CSMD1: variants seen among roughly 807,000 people sequenced by gnomAD.
CSMD1 encodes the protein CUB and Sushi multiple domains 1.
In CSMD1, 213 loss-of-function variants were observed where a neutral mutation model predicts 417.5. The ratio of observed to expected loss-of-function variants is 0.51; its 90% CI spans 0.46 to 0.57. The LOEUF (loss-of-function observed/expected upper bound fraction) is 0.57, where lower values mean the gene tolerates loss of function less well. Ranked by LOEUF, CSMD1 falls within the 20% of genes least tolerant of loss-of-function variation. The pLI is 0.00. For missense variants in CSMD1, 6,923 were observed against 4,529.7 expected, an observed-to-expected ratio of 1.53 and a Z score of -15.17; for synonymous variants, 2,862 against 1,736.8, an observed-to-expected ratio of 1.65 and a Z score of -16.11.
intron 1 of CSMD1, among the ~76,000 whole-genome samples, chr8:4,741,927 G>A (rs928440090): frequency 1.4e-5 from 2 of 148,050 alleles, no homozygotes; most frequent in Non-Finnish European, 3.0e-5. Context: ...TCGACTTCCT[G>A]GGCTCAAGGA....
chr8:4,030,431 G>C (rs1357970546), intron 4 of CSMD1, among the ~76,000 whole-genome samples: 2 of 152,198 alleles, frequency 1.3e-5, no homozygotes, highest in East Asian at 1.9e-4. Flanking sequence ...GCCAAGGCTT[G>C]AGGCTTACAT....
At chr8:3,583,355 T>C (rs930546682) in intron 9 of CSMD1, among the ~76,000 whole-genome samples, 3 of 151,920 alleles carry the variant, frequency 2.0e-5, no homozygotes, top group Admixed American at 6.6e-5. Context: ...GGGAGTGTCA[T>C]AGAGAAGGCC....
chr8:4,626,786 A>C (rs780164133), intron 2 of CSMD1, among the ~76,000 whole-genome samples: 1 of 152,178 alleles, frequency 6.6e-6, no homozygotes, highest in Non-Finnish European at 1.5e-5. Context: ...GAAAACCTGA[A>C]GCCCTGTGCA....
chr8:4,549,655 G>A (rs1797778402), intron 2 of CSMD1, among the ~76,000 whole-genome samples: 1 of 152,026 alleles, frequency 6.6e-6, no homozygotes, highest in Non-Finnish European at 1.5e-5. Context: ...TTGGGAGGCT[G>A]AGGCAGGAAG....
In CSMD1 at chr8:3,173,499, G is replaced by T. The variant is rs78048499; in HGVS notation, c.5725+7611C>A. Among the ~76,000 whole-genome samples, 22 of 152,216 alleles carry T rather than the reference G, an allele frequency of 1.4e-4. No individual in the cohort carries two copies. The South Asian group carries it at 2.1e-3, about 14-fold the overall frequency. On this transcript the variant is annotated intron_variant, in intron 37 of 69. Coordinates refer to ENST00000635120, the MANE Select transcript of CSMD1 (RefSeq NM_033225.6). Reference sequence around the variant, plus strand: ...TGGCCAAACTGTGAAGTTGAAGGTGGGTCTTAGGAAAATTTTTTGAAATGA... The same window carrying T: ...TGGCCAAACTGTGAAGTTGAAGGTGTGTCTTAGGAAAATTTTTTGAAATGA...
intron 1 of CSMD1, among the ~76,000 whole-genome samples, chr8:4,814,251 T>C (rs1799075319): frequency 6.6e-6 from 1 of 152,160 alleles, no homozygotes; most frequent in Non-Finnish European, 1.5e-5. Context: ...CGTGTGTGTA[T>C]GTGTGTGGTG....
At chr8:3,779,610 T>C (rs1248798655) in intron 5 of CSMD1, among the ~76,000 whole-genome samples, 1 of 152,206 alleles carries the variant, frequency 6.6e-6, no homozygotes, top group Non-Finnish European at 1.5e-5. Flanking sequence ...GGTATTTTAA[T>C]AAAATATGGA....
At chr8:4,428,912 A>G (rs1797713565) in intron 2 of CSMD1, among the ~76,000 whole-genome samples, 2 of 151,952 alleles carry the variant, frequency 1.3e-5, no homozygotes, top group African/African-American at 2.4e-5. Context: ...ACAGGGTTTC[A>G]CCATTTGGCC....
intron 5 of CSMD1, among the ~76,000 whole-genome samples, chr8:3,993,731 A>T (rs1290700920): frequency 1.3e-5 from 2 of 152,204 alleles, no homozygotes; most frequent in Non-Finnish European, 2.9e-5. Flanking sequence ...GCCCTAATCC[A>T]AAGCGGAAGA....
chr8:3,436,016 A>G (rs987696352), intron 12 of CSMD1, among the ~76,000 whole-genome samples: 7 of 152,114 alleles, frequency 4.6e-5, no homozygotes, highest in Non-Finnish European at 7.4e-5. Context: ...CATCCCAGCT[A>G]CCCAGGTGGG....
intron 1 of CSMD1, among the ~76,000 whole-genome samples, chr8:4,987,097 A>G (rs1421423301): frequency 1.3e-5 from 2 of 152,182 alleles, no homozygotes; most frequent in East Asian, 1.9e-4. Context: ...CTAGCACCCA[A>G]TGTGGCATTC....
At chr8:4,779,942 C>T (rs1797067789) in intron 1 of CSMD1, among the ~76,000 whole-genome samples, 1 of 151,748 alleles carries the variant, frequency 6.6e-6, no homozygotes, top group South Asian at 2.1e-4. Context: ...ATAAATACAC[C>T]TTACTTTGGC....
intron 4 of CSMD1, among the ~76,000 whole-genome samples, chr8:4,023,146 G>T (rs868786340): frequency 6.0e-4 from 91 of 152,266 alleles, no homozygotes; most frequent in African/African-American, 2.1e-3. Flanking sequence ...TGGAGGAACT[G>T]CCCATCACAA....
chr8:4,728,204 T>C (rs1180561733), intron 1 of CSMD1, among the ~76,000 whole-genome samples: 1 of 148,408 alleles, frequency 6.7e-6, no homozygotes, highest in African/African-American at 2.5e-5. Context: ...TATATTTATA[T>C]ATATATTTGG....
In CSMD1 at chr8:3,821,375, G is replaced by C. The variant is rs374424756; in HGVS notation, c.819-67333C>G. ...GACCCGTCTAAGACTGGCAGCGCAG[G>C]TTTGCATATGGCACCATCACCACAC... On this transcript the variant is annotated intron_variant, in intron 5 of 69. Coordinates refer to ENST00000635120, the MANE Select transcript of CSMD1 (RefSeq NM_033225.6). Among the ~76,000 whole-genome samples, 5 of 152,176 alleles carry C rather than the reference G, an allele frequency of 3.3e-5. No homozygotes were observed. In the East Asian group the frequency reaches 7.7e-4, roughly 23 times the overall value.
Position 3,308,427 on chromosome 8 carries a change from G to C in CSMD1, c.3708C>G (p.Thr1236=), listed in dbSNP as rs141170475. Residue 1236 remains threonine (T), a synonymous_variant, in exon 24 of 70, where the codon ACC becomes ACG. Transcript: ENST00000635120. The part of the protein sequence containing the change: ...GYRIRDEGHF[T]DTVVLYSCNP... The stretch of plus-strand genomic sequence containing the variant: ...TGCAACTGTACAGAACTACAGTGTC[G>C]GTAAAGTGGCCTTCATCACGGATCC... The C allele has an allele frequency of 7.0e-3, 11,223 of 1,613,642 alleles. 54 individuals are homozygous for C. The highest frequency in any genetic ancestry group is 8.1e-3 in the Non-Finnish European group (9,573 of 1,179,724).
chr8:4,753,028 C>A (rs956517984), intron 1 of CSMD1, among the ~76,000 whole-genome samples: 1 of 152,124 alleles, frequency 6.6e-6, no homozygotes, highest in Non-Finnish European at 1.5e-5. Context: ...TTATCCAATG[C>A]ATAATAAGAG....
At chr8:4,469,123 C>G (rs1049156618) in intron 2 of CSMD1, among the ~76,000 whole-genome samples, 10 of 152,266 alleles carry the variant, frequency 6.6e-5, no homozygotes, top group African/African-American at 2.4e-4. Flanking sequence ...CTCCCTGGAG[C>G]TCTTTTGGTA....
At chr8:3,188,146 T>A (rs1333480178) in intron 35 of CSMD1, among the ~76,000 whole-genome samples, 181 bp from the exon 36 acceptor site, 2 of 147,756 alleles carry the variant, frequency 1.4e-5, no homozygotes, top group East Asian at 2.0e-4. Flanking sequence ...TATATACATA[T>A]ACACCTTAAT....
Sources: gnomAD v4.1 joint callset for allele counts (sites outside exome capture counted in the v4.1 genomes callset) on GRCh38, gnomAD v4.1.1 for gene constraint, MANE v1.5 for transcripts, NCBI Gene and HGNC (gene_info 2026-07-23, HGNC 2026-07-21) for gene names.